NKAIN3: variants seen among roughly 807,000 people sequenced by gnomAD.
The protein encoded by NKAIN3 is sodium/potassium-transporting ATPase subunit beta-1-interacting protein 3.
NKAIN3 carries 25 observed loss-of-function variants against 30.2 expected under a neutral mutation model. That is an observed-to-expected ratio of 0.83 (90% confidence interval 0.60 to 1.16). The LOEUF (loss-of-function observed/expected upper bound fraction) is 1.16. Ranked by LOEUF, NKAIN3 falls within the 50% of genes most tolerant of loss-of-function variation. The probability of loss-of-function intolerance (pLI) is 0.00; values close to 1 mark genes in which losing one functional copy is unlikely to be tolerated. For missense variants in NKAIN3, 225 were observed against 254.1 expected (o/e 0.89, Z 0.78); for synonymous variants, 91 against 89.6 (o/e 1.02, Z -0.09).
At chr8:62,799,132 A>G (rs1037838211) in intron 4 of NKAIN3, among the ~76,000 whole-genome samples, 1 of 152,204 alleles carries the variant, frequency 6.6e-6, no homozygotes, top group Non-Finnish European at 1.5e-5. Flanking sequence ...TTGTATGTGG[A>G]GATCTAGAGA....
intron 4 of NKAIN3, among the ~76,000 whole-genome samples, chr8:62,811,593 T>C (rs1169163049): frequency 4.0e-5 from 6 of 149,828 alleles, no homozygotes. Flanking sequence ...AATATATCAT[T>C]GTGGTTTTAA....
rs1394845596 is a variant in NKAIN3 at position 62,972,492 on chromosome 8, C to T, written c.*7085C>T. Reference sequence around the variant, plus strand: ...TCAAATAGAAAAGTGATACTAACATCAATAATTAAACTTCCCAAGATTTTT... The same window carrying T: ...TCAAATAGAAAAGTGATACTAACATTAATAATTAAACTTCCCAAGATTTTT... On this transcript the variant is annotated 3_prime_UTR_variant, in exon 7 of 7. Coordinates refer to ENST00000623646, the MANE Select transcript of NKAIN3 (RefSeq NM_001304533.3). 5.3e-5 allele frequency among the ~76,000 whole-genome samples: 8 copies of T among 152,104 alleles called. No homozygotes were observed. Among genetic ancestry groups the T allele is most frequent in the Non-Finnish European group, 8.8e-5 (6 of 68,028 alleles).
intron 4 of NKAIN3, chr8:62,863,610 C>A (rs539295245): frequency 5.3e-5 from 63 of 1,188,128 alleles, no homozygotes; most frequent in Non-Finnish European, 7.8e-5. Flanking sequence ...TTGAAGTCAA[C>A]GAGCTGGATC....
At chr8:62,599,324 G>T (rs1306642651) in intron 3 of NKAIN3, among the ~76,000 whole-genome samples, 1 of 151,948 alleles carries the variant, frequency 6.6e-6, no homozygotes, top group African/African-American at 2.4e-5. Flanking sequence ...TGTATGGTGG[G>T]GTGGGGAATG....
chr8:62,839,584 AATTT>A (rs1252494119), intron 4 of NKAIN3, among the ~76,000 whole-genome samples: 2 of 151,918 alleles, frequency 1.3e-5, no homozygotes, highest in East Asian at 3.9e-4. Context: ...TTTTTCTTTT[AATTT>A]ATTTGTTTAT....
intron 1 of NKAIN3, among the ~76,000 whole-genome samples, chr8:62,381,430 C>T (rs868667211): frequency 4.6e-5 from 7 of 152,060 alleles, no homozygotes; most frequent in African/African-American, 9.7e-5. Flanking sequence ...TCTCTACCCT[C>T]GAAAGTCAAG....
At chr8:62,256,204 G>C (rs1812255146) in intron 1 of NKAIN3, among the ~76,000 whole-genome samples, 2 of 151,940 alleles carry the variant, frequency 1.3e-5, no homozygotes, top group South Asian at 4.1e-4. Context: ...CTTGAGGCCA[G>C]GAGTTTGGGA....
intron 3 of NKAIN3, among the ~76,000 whole-genome samples, chr8:62,700,888 C>T (rs1363539922): frequency 6.6e-6 from 1 of 152,148 alleles, no homozygotes; most frequent in African/African-American, 2.4e-5. Flanking sequence ...TATTGTCTTC[C>T]ATCCATTTAG....
intron 4 of NKAIN3, among the ~76,000 whole-genome samples, chr8:62,762,453 T>C (rs1435338228): frequency 6.6e-6 from 1 of 152,044 alleles, no homozygotes; most frequent in African/African-American, 2.4e-5. Context: ...AAAAGAGTGA[T>C]GGAAGATGAA....
intron 4 of NKAIN3, among the ~76,000 whole-genome samples, chr8:62,879,784 G>A (rs950137837): frequency 6.6e-6 from 1 of 152,176 alleles, no homozygotes; most frequent in African/African-American, 2.4e-5. Context: ...ATCCCCCAGA[G>A]AATTGCAATA....
At chr8:62,713,192 G>A (rs1341144705) in intron 3 of NKAIN3, among the ~76,000 whole-genome samples, 1 of 152,144 alleles carries the variant, frequency 6.6e-6, no homozygotes, top group Non-Finnish European at 1.5e-5. Context: ...GGGTAGTGCA[G>A]GGCTGCCACC....
At chr8:62,377,840 C>A (rs565042156) in intron 1 of NKAIN3, among the ~76,000 whole-genome samples, 8 of 152,230 alleles carry the variant, frequency 5.3e-5, no homozygotes, top group Non-Finnish European at 8.8e-5. Context: ...GTCAATTAAA[C>A]CTCTTTTCTT....
chr8:62,666,869 G>C lies in NKAIN3; in HGVS notation c.273+77075G>C, dbSNP rs180814567. Among the ~76,000 whole-genome samples, 4 of 152,212 alleles carry C rather than the reference G, an allele frequency of 2.6e-5. No homozygotes were observed. In the East Asian group the frequency reaches 7.8e-4, roughly 30 times the overall value. ...CCACTTCAAGTGAGGTGCTAGATTTGATTGAATGTCATCACTGCCAATCCT... is the reference window on the plus strand; with the variant it reads ...CCACTTCAAGTGAGGTGCTAGATTTCATTGAATGTCATCACTGCCAATCCT... On this transcript the variant is annotated intron_variant, in intron 3 of 6. Transcript: ENST00000623646.
rs202088394 is a variant in NKAIN3, at chr8:62,973,819, G to A, written c.*8412G>A. Among the ~76,000 whole-genome samples, 2 of 151,996 alleles carry A rather than the reference G, an allele frequency of 1.3e-5. No homozygotes were observed. Among genetic ancestry groups the A allele is most frequent in the African/African-American group, 4.8e-5 (2 of 41,400 alleles). ...TTGGGTTTTACATTTAAGTTTTTAA[G>A]CCATCTTGAGTTAATTTTTGTACAA... is the stretch of plus-strand genomic sequence containing the variant. On this transcript the variant is annotated 3_prime_UTR_variant, in exon 7 of 7. Transcript: ENST00000623646.
At chr8:62,512,010 G>A (rs1807826453) in intron 1 of NKAIN3, among the ~76,000 whole-genome samples, 1 of 152,112 alleles carries the variant, frequency 6.6e-6, no homozygotes. Flanking sequence ...CTATTTTGCT[G>A]ATGTTTTTAT....
At chr8:62,533,778 A>T (rs1808560249) in intron 1 of NKAIN3, among the ~76,000 whole-genome samples, 1 of 152,204 alleles carries the variant, frequency 6.6e-6, no homozygotes, top group African/African-American at 2.4e-5. Context: ...ATTAAGCCTG[A>T]ATTTTTAAAA....
chr8:62,448,399 A>G (rs934262462), intron 1 of NKAIN3, among the ~76,000 whole-genome samples: 1 of 151,156 alleles, frequency 6.6e-6, no homozygotes, highest in African/African-American at 2.4e-5. Flanking sequence ...TTGAAGGCCT[A>G]TGATGGTATT....
chr8:62,694,947 C>T (rs1257165043), intron 3 of NKAIN3, among the ~76,000 whole-genome samples: 2 of 152,178 alleles, frequency 1.3e-5, no homozygotes, highest in Admixed American at 1.3e-4. Flanking sequence ...GATCTTCAAA[C>T]TTGCTACATT....
At chr8:62,816,931 G>T (rs540172605) in intron 4 of NKAIN3, among the ~76,000 whole-genome samples, 1 of 152,220 alleles carries the variant, frequency 6.6e-6, no homozygotes, top group East Asian at 1.9e-4. Context: ...CAAGAGTTGT[G>T]GGGCTTTTCT....
Sources: allele counts gnomAD v4.1 joint callset (sites outside exome capture counted in the v4.1 genomes callset), GRCh38; gene constraint gnomAD v4.1.1; transcripts MANE v1.5; gene names NCBI Gene and HGNC (gene_info 2026-07-23, HGNC 2026-07-21).